PLS1: variants seen among roughly 807,000 people sequenced by gnomAD.
The protein encoded by PLS1 is plastin 1, also known as plastin-1.
PLS1 carries 32 observed loss-of-function variants against 73.7 expected under a neutral mutation model. The observed-to-expected ratio is 0.43, with a 90% confidence interval of 0.33 to 0.58. The LOEUF (loss-of-function observed/expected upper bound fraction) is 0.58, where lower values mean the gene tolerates loss of function less well. Ranked by LOEUF, PLS1 falls within the 20% of genes least tolerant of loss-of-function variation. The probability of loss-of-function intolerance (pLI) is 0.04; values close to 1 mark genes in which losing one functional copy is unlikely to be tolerated. For synonymous variants in PLS1, 217 were observed against 261.3 expected (o/e 0.83, Z 1.63); for missense variants, 633 against 740.5 (o/e 0.85, Z 1.68).
At position 142,622,515 on chromosome 3, in the gene PLS1, TA is replaced by T. The variant is rs533330283; in HGVS notation, c.-37+26016del. ...GGGATCATACAGTACTGTATGTACT[TA>T]AAAAAAAAACTGGCTTATAAAAGTC... On this transcript the variant is annotated intron_variant, in intron 1 of 15. Coordinates refer to ENST00000457734, the MANE Select transcript of PLS1 (RefSeq NM_001145319.2). Among the ~76,000 whole-genome samples, 276 of 149,304 alleles carry T rather than the reference TA, an allele frequency of 1.8e-3. 1 individual carries two copies. Among genetic ancestry groups the T allele is most frequent in the Non-Finnish European group, 2.8e-3 (191 of 67,104 alleles).
intron 1 of PLS1, among the ~76,000 whole-genome samples, chr3:142,600,909 TATA>T (rs2035910526): frequency 5.9e-4 from 17 of 28,986 alleles, no homozygotes; most frequent in African/African-American, 3.5e-3. Context: ...TATATATATA[TATA>T]TATATTTTTT....
chr3:142,603,640 C>T (rs1448084652), intron 1 of PLS1, among the ~76,000 whole-genome samples: 2 of 151,942 alleles, frequency 1.3e-5, no homozygotes, highest in Non-Finnish European at 2.9e-5. Flanking sequence ...GGCATGGTGG[C>T]GCGTGCCTGT....
intron 4 of PLS1, among the ~76,000 whole-genome samples, chr3:142,674,060 T>A (rs940922553): frequency 6.6e-6 from 1 of 152,350 alleles, no homozygotes; most frequent in South Asian, 2.1e-4. Flanking sequence ...ACCTCCTCTA[T>A]GAAGCCTTTT....
intron 1 of PLS1, among the ~76,000 whole-genome samples, chr3:142,598,855 G>T (rs987549795): frequency 1.3e-5 from 2 of 150,940 alleles, no homozygotes; most frequent in African/African-American, 2.5e-5. Context: ...AAATTAGCTG[G>T]GGGGGCATGG....
At chr3:142,640,791 TGTA>T (rs1219237188) in intron 1 of PLS1, among the ~76,000 whole-genome samples, 1 of 152,152 alleles carries the variant, frequency 6.6e-6, no homozygotes, top group Admixed American at 6.5e-5. Flanking sequence ...TTGGATTTAT[TGTA>T]GTAGTTTATC....
At chr3:142,624,525 A>G (rs2036379431) in intron 1 of PLS1, among the ~76,000 whole-genome samples, 1 of 152,202 alleles carries the variant, frequency 6.6e-6, no homozygotes, top group Admixed American at 6.5e-5. Flanking sequence ...TGTTGAGGAA[A>G]CTTGGATACT....
chr3:142,693,510 T>G (rs976365796), intron 10 of PLS1, among the ~76,000 whole-genome samples: 2 of 152,198 alleles, frequency 1.3e-5, no homozygotes, highest in Non-Finnish European at 2.9e-5. Flanking sequence ...TGTAAATGTT[T>G]CAGTTTTTCA....
intron 6 of PLS1, among the ~76,000 whole-genome samples, chr3:142,678,518 T>C (rs1378405722): frequency 6.7e-6 from 1 of 149,402 alleles, no homozygotes; most frequent in Non-Finnish European, 1.5e-5. Context: ...TGAGAATATG[T>C]GGTGTTTGGT....
intron 1 of PLS1, among the ~76,000 whole-genome samples, chr3:142,634,985 A>G (rs934249063): frequency 2.0e-5 from 3 of 151,758 alleles, no homozygotes; most frequent in African/African-American, 7.3e-5. Flanking sequence ...CAGTGGTGCA[A>G]TCATGGCTCA....
intron 1 of PLS1, among the ~76,000 whole-genome samples, chr3:142,628,342 C>T (rs1045195990): frequency 1.0e-4 from 3 of 28,716 alleles, no homozygotes; most frequent in South Asian, 5.7e-4. Flanking sequence ...TGTGTGTGTG[C>T]GCGCACATGT....
At chr3:142,653,204 T>G (rs2108643634) in intron 1 of PLS1, among the ~76,000 whole-genome samples, 3 of 152,320 alleles carry the variant, frequency 2.0e-5, no homozygotes, top group Non-Finnish European at 4.4e-5. Context: ...TTCTGTTTTC[T>G]TCACGTCTTT....
intron 4 of PLS1, among the ~76,000 whole-genome samples, chr3:142,674,682 G>A (rs2037681987): frequency 6.6e-6 from 1 of 152,120 alleles, no homozygotes; most frequent in South Asian, 2.1e-4. Context: ...GTTGGATGAA[G>A]ATGGCCAAAG....
intron 1 of PLS1, among the ~76,000 whole-genome samples, chr3:142,599,160 G>A (rs2035865576): frequency 6.7e-6 from 1 of 148,430 alleles, no homozygotes; most frequent in Non-Finnish European, 1.5e-5. Flanking sequence ...ACACTCAATA[G>A]TTATTACATG....
intron 4 of PLS1, among the ~76,000 whole-genome samples, chr3:142,673,258 G>A (rs1162280642): frequency 1.3e-5 from 2 of 152,190 alleles, no homozygotes; most frequent in Middle Eastern, 3.4e-3. Context: ...TGTCACCCAG[G>A]TTGATCTTGA....
intron 1 of PLS1, among the ~76,000 whole-genome samples, chr3:142,655,644 C>G (rs970136226): frequency 1.3e-5 from 2 of 150,994 alleles, no homozygotes; most frequent in South Asian, 4.2e-4. Context: ...ATCGCTTGAA[C>G]CTGGGAGGTG....
chr3:142,648,951 AAAT>A (rs2037019035), intron 1 of PLS1, among the ~76,000 whole-genome samples: 1 of 152,206 alleles, frequency 6.6e-6, no homozygotes, highest in Non-Finnish European at 1.5e-5. Context: ...GATGTTGGAT[AAAT>A]CTGCAAACAT....
chr3:142,664,087 C>T, intron 1 of PLS1, 115 bp from the exon 2 acceptor site: 1 of 450,288 alleles, frequency 2.2e-6, no homozygotes. Context: ...TGTTCTTTGT[C>T]AGCCAGATCT....
At chr3:142,610,564 G>C (rs891944508) in intron 1 of PLS1, among the ~76,000 whole-genome samples, 2 of 152,022 alleles carry the variant, frequency 1.3e-5, no homozygotes, top group Non-Finnish European at 2.9e-5. Context: ...ATTTTCCTGT[G>C]TTTTTGTGAT....
At chr3:142,710,269 A>C (rs1318280493) in intron 14 of PLS1, among the ~76,000 whole-genome samples, 3 of 150,548 alleles carry the variant, frequency 2.0e-5, no homozygotes. Flanking sequence ...GCTGCTTGTG[A>C]CAGAGGTTTC....
Sources: allele counts gnomAD v4.1 joint callset (sites outside exome capture counted in the v4.1 genomes callset), GRCh38; gene constraint gnomAD v4.1.1; transcripts MANE v1.5; gene names NCBI Gene and HGNC (gene_info 2026-07-23, HGNC 2026-07-21).